The following MED13 variants were observed in gnomAD, a reference collection of about 807,000 sequenced individuals.
MED13 encodes mediator complex subunit 13, also known as mediator of RNA polymerase II transcription subunit 13.
In MED13, 23 loss-of-function variants were observed where a neutral mutation model predicts 225.2. The observed-to-expected ratio is 0.10, with a 90% CI of 0.07 to 0.14. The LOEUF is 0.14. Ranked by LOEUF, MED13 falls within the 10% of genes least tolerant of loss-of-function variation. The pLI is 1.00. For synonymous variants in MED13, 942 were observed against 889.2 expected (o/e 1.06, Z -1.06); for missense variants, 2,197 against 2,594.5 (o/e 0.85, Z 3.33).
chr17:61,973,025 G>A (rs905181682), intron 16 of MED13, 137 bp from the exon 17 acceptor site: 20 of 574,908 alleles, frequency 3.5e-5, no homozygotes, highest in Non-Finnish European at 5.4e-5. Flanking sequence ...CTTGTGCAGA[G>A]AATTGCATTA....
intron 27 of MED13, among the ~76,000 whole-genome samples, chr17:61,952,383 T>C (rs1056656169): frequency 7.9e-5 from 12 of 152,166 alleles, no homozygotes; most frequent in Non-Finnish European, 1.6e-4. Flanking sequence ...AGCCCTGATA[T>C]GAATGGCTGC....
chr17:62,062,345 A>G (rs1375233931), intron 2 of MED13, among the ~76,000 whole-genome samples: 2 of 152,194 alleles, frequency 1.3e-5, no homozygotes, highest in Non-Finnish European at 2.9e-5. Flanking sequence ...ATTTGGTCCT[A>G]AAAGTCAAGA....
At chr17:62,005,143 C>T (rs2080434207) in intron 9 of MED13, 2 of 152,212 alleles carry the variant, frequency 1.3e-5, no homozygotes, top group South Asian at 2.1e-4. Flanking sequence ...GATCCACCCG[C>T]GTGGCCTCCC....
intron 9 of MED13, among the ~76,000 whole-genome samples, chr17:61,995,808 T>A (rs1219275975): frequency 4.6e-5 from 7 of 152,220 alleles, no homozygotes; most frequent in Non-Finnish European, 1.0e-4. Flanking sequence ...TATGTATTTT[T>A]TTTTTACTGC....
rs771442549 is a variant in MED13, at chr17:61,968,046, C to T, written c.4180G>A (p.Ala1394Thr). 12 of 1,608,640 alleles carry T rather than the reference C, an allele frequency of 7.5e-6. No individual in the cohort carries two copies. Among genetic ancestry groups the T allele is most frequent in the Non-Finnish European group, 1.0e-5 (12 of 1,175,394 alleles). ...GAKSFFRDLTAIYESCRLGQH... is the reference protein window; with the variant it reads ...GAKSFFRDLTTIYESCRLGQH... The stretch of plus-strand genomic sequence containing the variant: ...TTTTAAACACCTACCTCATATATTG[C>T]AGTAAGATCTCTAAAAAAGCTTTTT... Residue 1394 changes from alanine to threonine, a missense_variant, in exon 18 of 30, where the codon GCA (alanine) becomes ACA (threonine). Coordinates refer to ENST00000397786, the MANE Select transcript of MED13 (RefSeq NM_005121.3).
At chr17:62,043,444 T>C (rs1462027172) in intron 3 of MED13, among the ~76,000 whole-genome samples, 2 of 152,066 alleles carry the variant, frequency 1.3e-5, no homozygotes, top group Non-Finnish European at 2.9e-5. Context: ...CTGAAGTAAC[T>C]ACACCTAATT....
Position 62,011,141 on chromosome 17 carries a change from T to C in MED13, c.1376A>G (p.Asn459Ser), listed in dbSNP as rs199571833. ...QQQILPKHKT[N>S]EKQEKSEKPQ... ...CTTTTCACTCTTTTCTTGCTTCTCA[T>C]TGGTCTTGTGCTTAGGAAGTATTTG... is the stretch of plus-strand genomic sequence containing the variant. Residue 459 changes from asparagine to serine, a missense_variant, in exon 9 of 30, where the codon AAT (asparagine) becomes AGT (serine). This residue lies in a region of MED13 where 884 missense variants were observed against 918.5 expected (regional missense o/e 0.96). Coordinates refer to ENST00000397786, the MANE Select transcript of MED13 (RefSeq NM_005121.3). 1.2e-4 allele frequency: 199 copies of C among 1,614,214 alleles called. No homozygotes were observed. The African/African-American group carries it at 1.5e-3, about 12-fold the overall frequency.
chr17:61,979,772 A>C (rs1031620740), intron 16 of MED13, among the ~76,000 whole-genome samples: 1 of 152,154 alleles, frequency 6.6e-6, no homozygotes, highest in Non-Finnish European at 1.5e-5. Context: ...AACCCACTCC[A>C]ATCAGATTGA....
chr17:61,985,778 T>C (rs1319050429), intron 12 of MED13, among the ~76,000 whole-genome samples: 1 of 152,246 alleles, frequency 6.6e-6, no homozygotes, highest in Non-Finnish European at 1.5e-5. Context: ...TCTCCTTAAG[T>C]TGAACACATT....
intron 13 of MED13, 28 bp downstream of exon 13, chr17:61,984,970 TTA>T: frequency 6.2e-7 from 1 of 1,607,520 alleles, no homozygotes. Context: ...GTTCGCAAAT[TTA>T]TCTCGAGCAC....
rs2080215546 is a variant in MED13, at chr17:61,982,730, A to G, written c.3273T>C (p.Asp1091=). ...TGTTGCAAACACAGATGCAACAACT[A>G]TCAAAGTTACAGTCTTTAAACAAAT... The part of the protein sequence containing the change: ...VMNLFKDCNF[D]SCCICVCNMN... The change falls in exon 16 of 30, where the codon GAT becomes GAC. Residue 1091 remains aspartate (D), a synonymous_variant. Transcript: ENST00000397786. The G allele has an allele frequency of 4.3e-6, 7 of 1,614,180 alleles. No individual in the cohort carries two copies. The highest frequency in any genetic ancestry group is 5.9e-6 in the Non-Finnish European group (7 of 1,180,022).
At chr17:62,052,730 T>C (rs2080966907) in intron 2 of MED13, 25 bp from the exon 3 acceptor site, 1 of 1,526,320 alleles carries the variant, frequency 6.6e-7, no homozygotes, top group Non-Finnish European at 8.9e-7. Flanking sequence ...AAGGAAATAA[T>C]AAAATAGTGA....
chr17:61,977,934 T>C (rs1231147761), intron 16 of MED13, among the ~76,000 whole-genome samples: 2 of 152,154 alleles, frequency 1.3e-5, no homozygotes, highest in Middle Eastern at 3.2e-3. Flanking sequence ...TTTGGACAAG[T>C]TGTTAAGAAA....
chr17:62,050,335 GCAA>G (rs2080945052), intron 3 of MED13, among the ~76,000 whole-genome samples: 1 of 151,296 alleles, frequency 6.6e-6, no homozygotes, highest in South Asian at 2.1e-4. Context: ...TCCAGCCTGG[GCAA>G]CAAGAGTGAA....
intron 3 of MED13, among the ~76,000 whole-genome samples, chr17:62,043,211 TGTAAGAAAACCTCA>T (rs1287296332): frequency 7.1e-6 from 1 of 140,102 alleles, no homozygotes. Context: ...GAAAAATTAT[TGTAAGAAAACCTCA>T]ACAAGGAGGA....
intron 2 of MED13, among the ~76,000 whole-genome samples, chr17:62,055,157 G>C (rs1010887292): frequency 2.0e-5 from 3 of 152,118 alleles, no homozygotes; most frequent in African/African-American, 7.2e-5. Context: ...CACTTCAGGA[G>C]GCCAAGGCAA....
intron 9 of MED13, among the ~76,000 whole-genome samples, chr17:61,999,680 G>T (rs2080377135): frequency 6.6e-6 from 1 of 152,000 alleles, no homozygotes; most frequent in Non-Finnish European, 1.5e-5. Context: ...GAAAGTCTAA[G>T]AATAAAAAAG....
chr17:61,960,987 T>C lies in MED13; in HGVS notation c.5360A>G (p.Tyr1787Cys). The stretch of plus-strand genomic sequence containing the variant: ...ACAGTATCCCACAAAAAGAACATTA[T>C]ATTTCTGTCCAGCTTCTCCAAATGT... ...GETFGEAGQKYNVLFVGYCLS... is the reference protein window; with the variant it reads ...GETFGEAGQKCNVLFVGYCLS... Residue 1787 changes from tyrosine to cysteine, a missense_variant, in exon 23 of 30, where the codon TAT becomes TGT. Physicochemically the swap from Tyr to Cys is radical, Grantham distance 194. Around this residue, in one of 12 missense-constraint regions of MED13, gnomAD observed 78 missense variants for 82.1 expected, o/e 0.95. Coordinates refer to ENST00000397786, the MANE Select transcript of MED13 (RefSeq NM_005121.3). 6.2e-7 allele frequency: 1 copy of C among 1,613,968 alleles called. No individual in the cohort carries two copies. The highest frequency in any genetic ancestry group is 8.5e-7 in the Non-Finnish European group (1 of 1,179,930).
intron 9 of MED13, chr17:62,003,611 A>AAAAAAAAAAAAAAAAAG (rs2080417550): frequency 6.6e-6 from 1 of 150,990 alleles, no homozygotes; most frequent in Non-Finnish European, 1.5e-5. Flanking sequence ...AAAAAAAAAA[A>AAAAAAAAAAAAAAAAAG]AAAAAAAAAA....
Sources: allele counts gnomAD v4.1 joint callset (sites outside exome capture counted in the v4.1 genomes callset), GRCh38; gene constraint gnomAD v4.1.1; regional missense constraint gnomAD v4.1.1; transcripts MANE v1.5; gene names NCBI Gene and HGNC (gene_info 2026-07-23, HGNC 2026-07-21).